The following ADAM9 variants were observed in gnomAD, a reference collection of about 807,000 sequenced individuals.
ADAM9 encodes the protein ADAM metallopeptidase domain 9.
A neutral mutation model predicts 108.1 loss-of-function variants in ADAM9; 54 were observed. The ratio of observed to expected loss-of-function variants is 0.50; its 90% CI spans 0.40 to 0.63. The LOEUF is 0.63. ADAM9 is among the 20% of genes least tolerant of loss of function. ADAM9 has a pLI of 0.00. For missense variants in ADAM9, 830 were observed against 997.7 expected, an observed-to-expected ratio of 0.83 and a Z score of 2.26; for synonymous variants, 316 against 336.0, an observed-to-expected ratio of 0.94 and a Z score of 0.65.
At position 39,021,648 on chromosome 8, in the gene ADAM9, C is replaced by G; in HGVS notation, c.678C>G (p.Asp226Glu). The change falls in exon 8 of 22, where the codon GAC (aspartate) becomes GAG (glutamate). Residue 226 changes from aspartate to glutamate, a missense_variant. Physicochemically the swap from Asp to Glu is conservative, Grantham distance 45. Around this residue, in one of 3 missense-constraint regions of ADAM9, gnomAD observed 381 missense variants for 539.8 expected, o/e 0.71. Transcript: ENST00000487273. ...LFIVVDKERY[D>E]MMGRNQTAVR... is the part of the protein sequence containing the mutation. ...CTCCTTCTTTGCTTTTCCAGTATGA[C>G]ATGATGGGAAGAAATCAGACTGCTG... 1 of 1,613,656 alleles carries G rather than the reference C, an allele frequency of 6.2e-7. No homozygotes were observed. Among genetic ancestry groups the G allele is most frequent in the Non-Finnish European group, 8.5e-7 (1 of 1,179,628 alleles).
chr8:38,997,530 C>T (rs1835858643), intron 1 of ADAM9, among the ~76,000 whole-genome samples: 1 of 152,178 alleles, frequency 6.6e-6, no homozygotes. Flanking sequence ...CTGGGCGCGC[C>T]CGCGGGCGTT....
At position 39,074,080 on chromosome 8, in the gene ADAM9, C is replaced by T. The variant is rs186665966; in HGVS notation, c.1697+2677C>T. ...AAGAGGAATATCTGGTTCATTGTCA[C>T]ATTCATCATCATCATCACTATTTTT... On this transcript the variant is annotated intron_variant, in intron 15 of 21. Transcript: ENST00000487273. Among the ~76,000 whole-genome samples the T allele has an allele frequency of 4.2e-4, 64 of 152,218 alleles. 1 individual carries two copies. The highest frequency in any genetic ancestry group is 1.4e-3 in the African/African-American group (60 of 41,548).
In ADAM9 at chr8:39,100,025, G is replaced by A. The variant is rs143138524; in HGVS notation, c.2299-1838G>A. On this transcript the variant is annotated intron_variant, in intron 20 of 21. Coordinates refer to ENST00000487273, the MANE Select transcript of ADAM9 (RefSeq NM_003816.3). The stretch of plus-strand genomic sequence containing the variant: ...CTCCTGAGTAGCTGGAATTACAGGC[G>A]TGCGCCATCATGCCCGGGTGATTTT... Among the ~76,000 whole-genome samples the A allele has an allele frequency of 5.0e-3, 752 of 151,762 alleles. 24 individuals carry two copies. The highest frequency in any genetic ancestry group is 0.044 in the Admixed American group (678 of 15,254).
intron 20 of ADAM9, among the ~76,000 whole-genome samples, 170 bp from the exon 21 acceptor site, chr8:39,101,693 A>G (rs555282636): frequency 3.3e-5 from 5 of 152,280 alleles, no homozygotes; most frequent in South Asian, 4.1e-4. Context: ...AAATATTCCA[A>G]AATTGGAAAA....
rs118032256 is a variant in ADAM9 at position 39,092,599 on chromosome 8, T to C, written c.2298+1253T>C. On this transcript the variant is annotated intron_variant, in intron 20 of 21. Coordinates refer to ENST00000487273, the MANE Select transcript of ADAM9 (RefSeq NM_003816.3). ...ATAAAATTTGCCATTTTAACCATTG[T>C]TTTCAAGATTTTTTTGTAAATTTAA... Among the ~76,000 whole-genome samples, 871 of 152,278 alleles carry C rather than the reference T, an allele frequency of 5.7e-3. 3 individuals carry two copies. Among genetic ancestry groups the C allele is most frequent in the Middle Eastern group, 0.017 (5 of 294 alleles).
At chr8:39,009,907 G>A (rs1483429115) in intron 2 of ADAM9, among the ~76,000 whole-genome samples, 1 of 53,656 alleles carries the variant, frequency 1.9e-5, no homozygotes, top group Non-Finnish European at 3.4e-5. Flanking sequence ...GGGGGGGGGG[G>A]CAGGGAGAGA....
chr8:39,100,354 G>A lies in ADAM9; in HGVS notation c.2299-1509G>A, dbSNP rs1197820332. On this transcript the variant is annotated intron_variant, in intron 20 of 21. Coordinates refer to ENST00000487273, the MANE Select transcript of ADAM9 (RefSeq NM_003816.3). ...AATACGAAAAAAAAATTAGCCAGGC[G>A]TGGTGGTGGGTGCCTGTAGTCCCAG... 3.3e-5 allele frequency among the ~76,000 whole-genome samples: 5 copies of A among 151,858 alleles called. No homozygotes were observed. In the South Asian group the frequency reaches 6.3e-4, roughly 19 times the overall value.
intron 12 of ADAM9, among the ~76,000 whole-genome samples, chr8:39,046,200 T>C (rs1588380685): frequency 6.6e-6 from 1 of 152,236 alleles, no homozygotes; most frequent in East Asian, 1.9e-4. Flanking sequence ...CTTGTTAAGC[T>C]TATTCACAAA....
At chr8:39,004,390 T>C (rs932131136) in intron 1 of ADAM9, among the ~76,000 whole-genome samples, 6 of 152,082 alleles carry the variant, frequency 3.9e-5, no homozygotes, top group African/African-American at 1.4e-4. Context: ...ATTTTTAAAT[T>C]TTTTTGAAGA....
intron 14 of ADAM9, among the ~76,000 whole-genome samples, chr8:39,057,864 T>C (rs1379660639): frequency 6.6e-6 from 1 of 152,148 alleles, no homozygotes; most frequent in East Asian, 1.9e-4. Context: ...TATCTGGGGA[T>C]TCTGTGGCTC....
rs777511885 is a variant in ADAM9 at position 39,078,696 on chromosome 8, G to A, written c.1881+1285G>A. ...CTCAGGAGGCTGAGACAGGAGAATC[G>A]CTTGAACCTGGGAGGCACAGGTTGC... On this transcript the variant is annotated intron_variant, in intron 16 of 21. Coordinates refer to ENST00000487273, the MANE Select transcript of ADAM9 (RefSeq NM_003816.3). 2.0e-5 allele frequency among the ~76,000 whole-genome samples: 3 copies of A among 152,226 alleles called. No homozygotes were observed. The East Asian group carries it at 5.8e-4, about 29-fold the overall frequency.
chr8:39,101,406 A>C (rs966118337), intron 20 of ADAM9, among the ~76,000 whole-genome samples: 1 of 152,186 alleles, frequency 6.6e-6, no homozygotes, highest in Non-Finnish European at 1.5e-5. Context: ...TATGTGAATA[A>C]ATCTAAGAAA....
chr8:39,002,193 A>G (rs1281416380), intron 1 of ADAM9, among the ~76,000 whole-genome samples: 4 of 151,842 alleles, frequency 2.6e-5, no homozygotes, highest in African/African-American at 9.7e-5. Context: ...TGTGGAGGCC[A>G]GGTTTATTTT....
chr8:39,093,268 A>G (rs964560875), intron 20 of ADAM9, among the ~76,000 whole-genome samples: 4 of 152,024 alleles, frequency 2.6e-5, no homozygotes, highest in East Asian at 1.9e-4. Flanking sequence ...CCTTTCATCA[A>G]TGTTTCATAG....
chr8:38,998,289 A>C (rs1835886864), intron 1 of ADAM9, among the ~76,000 whole-genome samples: 1 of 152,254 alleles, frequency 6.6e-6, no homozygotes, highest in Non-Finnish European at 1.5e-5. Flanking sequence ...GGAAGTTGCC[A>C]AATTTCTTCT....
chr8:39,049,334 A>G (rs1837876295), intron 12 of ADAM9, among the ~76,000 whole-genome samples: 1 of 152,032 alleles, frequency 6.6e-6, no homozygotes, highest in Admixed American at 6.5e-5. Flanking sequence ...CTTAACCTCA[A>G]TTACATACAA....
chr8:39,057,029 A>ATATGTTTAGATACCTTTTC (rs1403082163), intron 14 of ADAM9, among the ~76,000 whole-genome samples: 1 of 152,092 alleles, frequency 6.6e-6, no homozygotes, highest in South Asian at 2.1e-4. Context: ...CTATGTTTAG[A>ATATGTTTAGATACCTTTTC]TATGTTTAGA....
chr8:39,017,155 G>GT, intron 5 of ADAM9, 64 bp from the exon 6 acceptor site: 1 of 1,566,826 alleles, frequency 6.4e-7, no homozygotes, highest in Non-Finnish European at 8.8e-7. Flanking sequence ...TTGAACTTAG[G>GT]TTTTCTGATT....
chr8:39,051,589 C>T (rs1217826515), intron 12 of ADAM9, among the ~76,000 whole-genome samples: 1 of 152,188 alleles, frequency 6.6e-6, no homozygotes, highest in African/African-American at 2.4e-5. Context: ...TATTGCAGCA[C>T]TGCCTGTTGG....
Sources: allele counts gnomAD v4.1 joint callset (sites outside exome capture counted in the v4.1 genomes callset), GRCh38; gene constraint gnomAD v4.1.1; regional missense constraint gnomAD v4.1.1; transcripts MANE v1.5; gene names NCBI Gene and HGNC (gene_info 2026-07-23, HGNC 2026-07-21).